SLC9C2: variants seen among roughly 807,000 people sequenced by gnomAD.
The protein encoded by SLC9C2 is solute carrier family 9 member C2 (putative).
A neutral mutation model predicts 140.2 loss-of-function variants in SLC9C2; 75 were observed. The ratio of observed to expected loss-of-function variants is 0.53; its 90% CI spans 0.44 to 0.65. SLC9C2 has a LOEUF of 0.65. SLC9C2 is among the 30% of genes least tolerant of loss of function. The pLI is 0.00. For missense variants in SLC9C2, 1,074 were observed against 1,331.8 expected, an observed-to-expected ratio of 0.81 and a Z score of 3.01; for synonymous variants, 375 against 420.9, an observed-to-expected ratio of 0.89 and a Z score of 1.34.
At chr1:173,579,504 T>C (rs1665390318) in intron 7 of SLC9C2, among the ~76,000 whole-genome samples, 1 of 152,160 alleles carries the variant, frequency 6.6e-6, no homozygotes, top group South Asian at 2.1e-4. Flanking sequence ...AAGCTTAAAC[T>C]AGAACCAAGG....
intron 23 of SLC9C2, among the ~76,000 whole-genome samples, chr1:173,510,928 T>C (rs1659999543): frequency 6.6e-6 from 1 of 152,182 alleles, no homozygotes; most frequent in African/African-American, 2.4e-5. Flanking sequence ...TCCACAATGG[T>C]TGAACTAATT....
chr1:173,575,940 A>G (rs1665154607), intron 8 of SLC9C2, among the ~76,000 whole-genome samples: 1 of 152,212 alleles, frequency 6.6e-6, no homozygotes, highest in Admixed American at 6.5e-5. Context: ...TTGGAATGTC[A>G]TAAAAGAAAG....
intron 16 of SLC9C2, 60 bp from the exon 17 acceptor site, chr1:173,533,857 T>C (rs1379763635): frequency 1.4e-6 from 2 of 1,473,332 alleles, no homozygotes; most frequent in Non-Finnish European, 1.8e-6. Context: ...GGGGAAGAAA[T>C]CTATAAAATT....
At chr1:173,592,796 G>T (rs937407846) in intron 4 of SLC9C2, among the ~76,000 whole-genome samples, 2 of 152,288 alleles carry the variant, frequency 1.3e-5, no homozygotes, top group South Asian at 4.1e-4. Context: ...AATGTTGTCT[G>T]CAAAGAGGGA....
chr1:173,508,636 C>T (rs1052733537), intron 24 of SLC9C2, among the ~76,000 whole-genome samples: 8 of 152,202 alleles, frequency 5.3e-5, no homozygotes, highest in African/African-American at 1.2e-4. Context: ...TTGTATGACA[C>T]ACTCATTTTT....
chr1:173,585,358 A>G (rs571979730), intron 5 of SLC9C2, among the ~76,000 whole-genome samples: 2 of 152,304 alleles, frequency 1.3e-5, no homozygotes, highest in Non-Finnish European at 2.9e-5. Context: ...AATTTTAGGC[A>G]TTTGGCAAAA....
intron 13 of SLC9C2, among the ~76,000 whole-genome samples, chr1:173,544,177 C>A (rs1662659330): frequency 6.6e-6 from 1 of 152,106 alleles, no homozygotes; most frequent in South Asian, 2.1e-4. Context: ...ATCAAACAAC[C>A]CCATCAAAAA....
At chr1:173,526,575 G>C (rs1661212790) in intron 19 of SLC9C2, 88 bp downstream of exon 19, 2 of 1,193,462 alleles carry the variant, frequency 1.7e-6, no homozygotes, top group Non-Finnish European at 2.4e-6. Flanking sequence ...GAATGAGCAA[G>C]TAAATGAAAG....
intron 1 of SLC9C2, 33 bp from the exon 2 acceptor site, chr1:173,601,888 C>T (rs1666807012): frequency 1.5e-6 from 2 of 1,313,224 alleles, no homozygotes; most frequent in Admixed American, 2.1e-5. Context: ...ATGAGACCTA[C>T]CAAGATCCAA....
intron 25 of SLC9C2, among the ~76,000 whole-genome samples, chr1:173,506,359 T>C (rs1037056652): frequency 1.3e-5 from 2 of 152,190 alleles, no homozygotes; most frequent in African/African-American, 2.4e-5. Context: ...CCCTCTTATG[T>C]CCTAGGTGGT....
intron 24 of SLC9C2, among the ~76,000 whole-genome samples, chr1:173,508,639 T>G (rs1571424449): frequency 6.6e-6 from 1 of 152,232 alleles, no homozygotes; most frequent in South Asian, 2.1e-4. Flanking sequence ...TATGACACAC[T>G]CATTTTTTAA....
chr1:173,535,391 T>C (rs931814486), intron 15 of SLC9C2, among the ~76,000 whole-genome samples: 1 of 152,224 alleles, frequency 6.6e-6, no homozygotes, highest in Admixed American at 6.5e-5. Context: ...TGTGATATTT[T>C]GGAAAATTGG....
At chr1:173,602,046 C>T (rs1666815461) in intron 1 of SLC9C2, among the ~76,000 whole-genome samples, 191 bp from the exon 2 acceptor site, 1 of 152,156 alleles carries the variant, frequency 6.6e-6, no homozygotes, top group African/African-American at 2.4e-5. Context: ...TTAGTGTTTA[C>T]TCCCTGTACT....
At chr1:173,579,940 C>T (rs1395992374) in intron 7 of SLC9C2, among the ~76,000 whole-genome samples, 1 of 152,208 alleles carries the variant, frequency 6.6e-6, no homozygotes, top group Non-Finnish European at 1.5e-5. Context: ...TGATGCCACA[C>T]ATTGACTGGA....
chr1:173,565,123 G>A (rs1391208980), intron 9 of SLC9C2, among the ~76,000 whole-genome samples: 1 of 151,934 alleles, frequency 6.6e-6, no homozygotes, highest in East Asian at 1.9e-4. Context: ...ATGCACCACT[G>A]TACAGATGGG....
intron 4 of SLC9C2, among the ~76,000 whole-genome samples, chr1:173,594,891 G>A (rs373292168): frequency 6.6e-6 from 1 of 151,926 alleles, no homozygotes; most frequent in Non-Finnish European, 1.5e-5. Context: ...GGAGATTTTG[G>A]TTGTTTTGTT....
At chr1:173,507,416 C>A (rs1008325818) in intron 24 of SLC9C2, among the ~76,000 whole-genome samples, 1 of 151,928 alleles carries the variant, frequency 6.6e-6, no homozygotes, top group Non-Finnish European at 1.5e-5. Flanking sequence ...TAACACAAAG[C>A]CAAAACAAAG....
intron 22 of SLC9C2, among the ~76,000 whole-genome samples, 193 bp downstream of exon 22, chr1:173,521,108 G>A (rs569304672): frequency 6.6e-6 from 1 of 152,200 alleles, no homozygotes; most frequent in South Asian, 2.1e-4. Context: ...GACTATGACA[G>A]CATTTTGTAG....
chr1:173,546,723 T>C (rs1303245925), intron 13 of SLC9C2, among the ~76,000 whole-genome samples: 1 of 152,186 alleles, frequency 6.6e-6, no homozygotes, highest in Non-Finnish European at 1.5e-5. Context: ...GGAGTTCAAT[T>C]TGAAAACATA....
Sources: allele counts gnomAD v4.1 joint callset (sites outside exome capture counted in the v4.1 genomes callset), GRCh38; gene constraint gnomAD v4.1.1; transcripts MANE v1.5; gene names NCBI Gene and HGNC (gene_info 2026-07-23, HGNC 2026-07-21).